EPB42: variants seen among roughly 807,000 people sequenced by gnomAD.
The protein encoded by EPB42 is protein 4.2.
A neutral mutation model predicts 76.9 loss-of-function variants in EPB42; 49 were observed. That is an observed-to-expected ratio of 0.64 (90% CI 0.51 to 0.81). The LOEUF is 0.81. Ranked by LOEUF, EPB42 falls within the 30% of genes least tolerant of loss-of-function variation. The pLI is 0.00. For missense variants in EPB42, 731 were observed against 867.6 expected (o/e 0.84, Z 1.98); for synonymous variants, 310 against 338.4 (o/e 0.92, Z 0.92).
chr15:43,215,076 G>A lies in EPB42; in HGVS notation c.430+19C>T. ...CTGGAGTCTCCATGCAGCCCAGGCTGGCCCAGGTCCAAACTTACCTCTATT... is the reference window on the plus strand; with the variant it reads ...CTGGAGTCTCCATGCAGCCCAGGCTAGCCCAGGTCCAAACTTACCTCTATT... On this transcript the variant is annotated intron_variant, in intron 3 of 12. Coordinates refer to ENST00000441366, the MANE Select transcript of EPB42 (RefSeq NM_001114134.2). 6.2e-7 allele frequency: 1 copy of A among 1,606,750 alleles called. No homozygotes were observed. The highest frequency in any genetic ancestry group is 8.5e-7 in the Non-Finnish European group (1 of 1,174,790).
Position 43,207,392 on chromosome 15 carries a change from C to G in EPB42, c.1125G>C (p.Thr375=), listed in dbSNP as rs769476753. The change falls in exon 9 of 13, where the codon ACG becomes ACC. Residue 375 remains threonine, a synonymous_variant. Transcript: ENST00000441366. ...LVPVRAVKEG[T]LGLTPAVSDL... The stretch of plus-strand genomic sequence containing the variant: ...CTGACACTGCTGGGGTCAGCCCCAG[C>G]GTCCCCTCCTTGACTGCTCTGACCG... 2 of 1,614,174 alleles carry G rather than the reference C, an allele frequency of 1.2e-6. No individual in the cohort carries two copies. Among genetic ancestry groups the G allele is most frequent in the East Asian group, 4.5e-5 (2 of 44,874 alleles).
At chr15:43,223,559 T>C (rs2042481096), upstream of EPB42, among the ~76,000 whole-genome samples, 1 of 152,192 alleles carries the variant, frequency 6.6e-6, no homozygotes, top group Admixed American at 6.5e-5. Context: ...AAAAACACCC[T>C]GAGATATCAT....
At chr15:43,215,381 G>C in intron 2 of EPB42, 53 bp from the exon 3 acceptor site, 2 of 1,566,940 alleles carry the variant, frequency 1.3e-6, no homozygotes, top group South Asian at 1.1e-5. Flanking sequence ...TCACAACTCA[G>C]AGTAATAAGG....
Position 43,220,797 on chromosome 15 carries a change from G to C in EPB42, c.10+19C>G. ...TGCATACAGTCCAGCAAGCCCTGTC[G>C]AGCGCTGGCTTGGCTCACCCTGTCC... On this transcript the variant is annotated intron_variant, in intron 1 of 12. Coordinates refer to ENST00000441366, the MANE Select transcript of EPB42 (RefSeq NM_001114134.2). The C allele has an allele frequency of 6.2e-7, 1 of 1,612,806 alleles. No homozygotes were observed.
In EPB42 at chr15:43,201,878, C is replaced by T. The variant is rs754487473; in HGVS notation, c.1879G>A (p.Gly627Arg). Residue 627 changes from glycine to arginine, a missense_variant, in exon 12 of 13, where the codon GGA becomes AGA. Transcript: ENST00000441366. ...CTCTCTCTGTGAATGAGCCCCCTTC[C>T]CAGGATGGAGATCACACAGTCCTCC... ...PMEDCVISILGRGLIHRERSY... is the reference protein window; with the variant it reads ...PMEDCVISILRRGLIHRERSY... 1.2e-6 allele frequency: 2 copies of T among 1,614,176 alleles called. No homozygotes were observed. Among genetic ancestry groups the T allele is most frequent in the South Asian group, 2.2e-5 (2 of 91,082 alleles).
At chr15:43,211,901 AC>A (rs756199394) in intron 3 of EPB42, among the ~76,000 whole-genome samples, 7 of 151,932 alleles carry the variant, frequency 4.6e-5, no homozygotes, top group South Asian at 2.1e-4. Context: ...CTCTGTCTCT[AC>A]AAAAAATAAA....
upstream of EPB42, chr15:43,221,087 C>T (rs1186597867): frequency 8.0e-6 from 4 of 502,940 alleles, no homozygotes; most frequent in Non-Finnish European, 1.4e-5. Flanking sequence ...TCTCTTGTGC[C>T]AGGAGGCCCA....
At position 43,197,244 on chromosome 15, in the gene EPB42, T is replaced by C; in HGVS notation, c.*58A>G. On this transcript the variant is annotated 3_prime_UTR_variant, in exon 13 of 13. Coordinates refer to ENST00000441366, the MANE Select transcript of EPB42 (RefSeq NM_001114134.2). ...ACGCAAAGTTTCTCTTCCTAGCACA[T>C]GTTTGGTTTAGATTGTAGAACAAGG... is the stretch of plus-strand genomic sequence containing the variant. 1 of 1,605,344 alleles carries C rather than the reference T, an allele frequency of 6.2e-7. No individual in the cohort carries two copies. Among genetic ancestry groups the C allele is most frequent in the Non-Finnish European group, 8.5e-7 (1 of 1,172,564 alleles).
chr15:43,215,362 A>C (rs1368205779), intron 2 of EPB42, 34 bp from the exon 3 acceptor site: 1 of 1,604,474 alleles, frequency 6.2e-7, no homozygotes, highest in Non-Finnish European at 8.5e-7. Context: ...TGTCACTGGG[A>C]CTTCTTGGTC....
At position 43,203,258 on chromosome 15, in the gene EPB42, C is replaced by T. The variant is rs369068948; in HGVS notation, c.1636G>A (p.Gly546Ser). The change falls in exon 11 of 13, where the codon GGC becomes AGC. Residue 546 changes from glycine to serine, a missense_variant. Gly to Ser is a moderately conservative substitution (Grantham distance 56). Coordinates refer to ENST00000441366, the MANE Select transcript of EPB42 (RefSeq NM_001114134.2). ...CGCTCAAAATTGGAGAAGAACAGGC[C>T]GATGGTTATTATCTTTTCTGAAACA... ...SANLEKIITI[G>S]LFFSNFERNP... The T allele has an allele frequency of 9.5e-5, 153 of 1,613,804 alleles. No individual in the cohort carries two copies. The highest frequency in any genetic ancestry group is 1.2e-4 in the Non-Finnish European group (137 of 1,180,004).
At chr15:43,216,178 A>G in intron 2 of EPB42, 90 bp downstream of exon 2, 1 of 1,520,002 alleles carries the variant, frequency 6.6e-7, no homozygotes, top group Non-Finnish European at 9.0e-7. Context: ...AGTGTGGGCC[A>G]TTTGTCCCTT....
chr15:43,208,572 G>A, intron 7 of EPB42, 65 bp downstream of exon 7: 3 of 1,603,060 alleles, frequency 1.9e-6, no homozygotes, highest in Non-Finnish European at 8.5e-7. Flanking sequence ...GGCTCCTGCA[G>A]AGGTGTGCTA....
chr15:43,221,701 AT>A (rs556543286), upstream of EPB42, among the ~76,000 whole-genome samples: 5 of 151,692 alleles, frequency 3.3e-5, 1 homozygote, highest in South Asian at 1.0e-3. Context: ...TGCCAAAAAT[AT>A]TGGTTGCCTG....
Position 43,206,640 on chromosome 15 carries a change from G to A in EPB42, c.1319-11C>T, listed in dbSNP as rs1221412071. On this transcript the variant is annotated splice_polypyrimidine_tract_variant and intron_variant, in intron 9 of 12. Transcript: ENST00000441366. The surrounding 1 kb of genome is among the most constrained non-coding windows in gnomAD (Gnocchi z 4.7). ...TTTCCTGAAGAGACCCTGGAGAAGG[G>A]AAGAAACAAAGCTGACCTTTTACCC... 6.2e-7 allele frequency: 1 copy of A among 1,613,980 alleles called. No homozygotes were observed. The highest frequency in any genetic ancestry group is 8.5e-7 in the Non-Finnish European group (1 of 1,180,018).
rs551738140 is a variant in EPB42 at position 43,220,657 on chromosome 15, C to T, written c.10+159G>A. 2.2e-5 allele frequency: 24 copies of T among 1,078,964 alleles called. 4 individuals are homozygous for T. Among genetic ancestry groups the T allele is most frequent in the Admixed American group, 3.7e-5 (2 of 53,648 alleles). The allele number at this position is 1,078,964 out of a possible 1,614,324, so 66.8% of individuals were successfully genotyped here. On this transcript the variant is annotated intron_variant, in intron 1 of 12. Coordinates refer to ENST00000441366, the MANE Select transcript of EPB42 (RefSeq NM_001114134.2). Reference sequence around the variant, plus strand: ...CAGCACCCACCTACCACACCCCCCCCCCACAGCCACCTCATTATCACCAGT... The same window carrying T: ...CAGCACCCACCTACCACACCCCCCCTCCACAGCCACCTCATTATCACCAGT...
chr15:43,223,177 C>T (rs1054578190), upstream of EPB42, among the ~76,000 whole-genome samples: 1 of 152,020 alleles, frequency 6.6e-6, no homozygotes, highest in East Asian at 1.9e-4. Flanking sequence ...ATTAGCTGAG[C>T]GTGGTGGCAT....
rs2042150507 is a variant in EPB42 at position 43,203,120 on chromosome 15, T to C, written c.1774A>G (p.Ile592Val). Residue 592 changes from isoleucine (I) to valine (V), a missense_variant, in exon 11 of 13, where the codon ATC becomes GTC. Ile to Val is a conservative substitution (Grantham distance 29, BLOSUM62 3). Transcript: ENST00000441366. ...AGGGGAGGACTGGTGCCTACCTTGA[T>C]GGCAAGGTGTGGTCTACAAATGGCA... The part of the protein sequence containing the change: ...DIAICRPHLA[I>V]KMPEKAEQYQ... The C allele has an allele frequency of 3.1e-6, 5 of 1,613,880 alleles. No homozygotes were observed. Among genetic ancestry groups the C allele is most frequent in the Admixed American group, 3.3e-5 (2 of 59,976 alleles).
intron 1 of EPB42, among the ~76,000 whole-genome samples, chr15:43,218,930 TA>T (rs767751093): frequency 6.6e-4 from 100 of 152,222 alleles, no homozygotes; most frequent in Non-Finnish European, 1.2e-3. Context: ...GAAGTTGTGT[TA>T]ACCCGGAGAT....
chr15:43,219,600 C>G (rs1567285019), intron 1 of EPB42, among the ~76,000 whole-genome samples: 1 of 152,196 alleles, frequency 6.6e-6, no homozygotes, highest in Non-Finnish European at 1.5e-5. Context: ...CTCCTGATAT[C>G]TTTGTGTTTC....
Sources: gnomAD v4.1 joint callset for allele counts (sites outside exome capture counted in the v4.1 genomes callset) on GRCh38, gnomAD v4.1.1 for gene constraint, Gnocchi (gnomAD v3.1) non-coding constraint, MANE v1.5 for transcripts, NCBI Gene and HGNC (gene_info 2026-07-23, HGNC 2026-07-21) for gene names.